Variants in QTRT2 observed in about 807,000 individuals in gnomAD.
QTRT2 encodes the protein queuine tRNA-ribosyltransferase accessory subunit 2.
In QTRT2, 32 loss-of-function variants were observed where a neutral mutation model predicts 44.8. The ratio of observed to expected loss-of-function variants is 0.71; its 90% confidence interval spans 0.54 to 0.96. QTRT2 has a LOEUF of 0.96. Among genes scored for constraint, QTRT2 ranks in the 40% least tolerant of loss-of-function variants. QTRT2 has a pLI of 0.00. For missense variants in QTRT2, 461 were observed against 503.1 expected, an observed-to-expected ratio of 0.92 and a Z score of 0.80; for synonymous variants, 182 against 187.4, an observed-to-expected ratio of 0.97 and a Z score of 0.24.
chr3:114,058,608 C>T (rs934897058), intron 2 of QTRT2, among the ~76,000 whole-genome samples: 3 of 152,184 alleles, frequency 2.0e-5, no homozygotes, highest in African/African-American at 7.2e-5. Flanking sequence ...TTTTGGCTCA[C>T]TGCAACCTCT....
intron 1 of QTRT2, 45 bp from the exon 2 acceptor site, chr3:114,056,954 A>G: frequency 6.7e-7 from 1 of 1,496,456 alleles, no homozygotes; most frequent in Non-Finnish European, 8.9e-7. Context: ...TGTTGCAGTA[A>G]CGGTGATTGT....
intron 2 of QTRT2, among the ~76,000 whole-genome samples, chr3:114,060,496 GTAGATAGATAGA>G (rs71146305): frequency 0.02 from 2,876 of 144,480 alleles, 53 homozygotes; most frequent in African/African-American, 0.039. Flanking sequence ...AGGTAGGTAG[GTAGATAGATAGA>G]TAGATAGATA....
intron 9 of QTRT2, 24 bp downstream of exon 9, chr3:114,082,818 A>G: frequency 9.0e-7 from 1 of 1,111,134 alleles, no homozygotes; most frequent in South Asian, 1.4e-5. Flanking sequence ...AAAAGTTTGG[A>G]TTTTGCTTTC....
chr3:114,066,346 T>TA (rs1365847234), intron 4 of QTRT2, 63 bp downstream of exon 4: 1 of 933,484 alleles, frequency 1.1e-6, no homozygotes, highest in African/African-American at 1.6e-5. Context: ...GAGGTGCTGT[T>TA]ACCTCTTTGA....
intron 8 of QTRT2, among the ~76,000 whole-genome samples, chr3:114,081,721 A>T (rs2077167858): frequency 6.6e-6 from 1 of 152,282 alleles, no homozygotes; most frequent in African/African-American, 2.4e-5. Flanking sequence ...TACAGGCATG[A>T]GCCACTGCGG....
chr3:114,078,341 T>C (rs1417966156), intron 7 of QTRT2: 1 of 152,210 alleles, frequency 6.6e-6, no homozygotes, highest in Non-Finnish European at 1.5e-5. Flanking sequence ...CCAGCTTCAG[T>C]TGGATAGGAG....
At chr3:114,077,075 T>G in intron 7 of QTRT2, 133 bp downstream of exon 7, 1 of 770,198 alleles carries the variant, frequency 1.3e-6, no homozygotes. Context: ...GGGCTGAGTC[T>G]GCTGAGGTGC....
Position 114,085,935 on chromosome 3 carries a change from A to G in QTRT2, c.*31A>G. The stretch of plus-strand genomic sequence containing the variant: ...TGCAAATACAAGTCTCACTCTTCAC[A>G]CTGAGCCTGTACCACTGTTGTAACA... On this transcript the variant is annotated 3_prime_UTR_variant, in exon 10 of 10. Transcript: ENST00000281273. 6.7e-7 allele frequency: 1 copy of G among 1,490,082 alleles called. No individual in the cohort carries two copies. The highest frequency in any genetic ancestry group is 9.4e-7 in the Non-Finnish European group (1 of 1,067,554). 92.3% of individuals were successfully genotyped at this position (1,490,082 alleles called of 1,614,324 possible).
chr3:114,084,530 T>C (rs558228550), intron 9 of QTRT2, among the ~76,000 whole-genome samples: 26 of 152,188 alleles, frequency 1.7e-4, no homozygotes, highest in African/African-American at 6.0e-4. Flanking sequence ...TGCAGTGTGC[T>C]ATGATTGTGC....
At chr3:114,065,743 A>G (rs1335969000) in intron 3 of QTRT2, among the ~76,000 whole-genome samples, 1 of 152,168 alleles carries the variant, frequency 6.6e-6, no homozygotes, top group East Asian at 1.9e-4. Context: ...GTTCTGTGAG[A>G]GCTGCATTTG....
chr3:114,085,201 T>C (rs2077219057), intron 9 of QTRT2, among the ~76,000 whole-genome samples: 1 of 152,124 alleles, frequency 6.6e-6, no homozygotes, highest in Non-Finnish European at 1.5e-5. Flanking sequence ...ATTGTGTTCT[T>C]TGTTAACTTT....
rs565548666 is a variant in QTRT2, at chr3:114,087,408, T to G, written c.*1504T>G. The G allele has an allele frequency of 3.3e-5, 5 of 152,382 alleles. No individual in the cohort carries two copies. In the East Asian group the frequency reaches 7.7e-4, roughly 24 times the overall value. The allele number at this position is 152,382 out of a possible 1,614,324, so 9.4% of individuals were successfully genotyped here. A position where few individuals can be genotyped will look rare whatever the true frequency, so the allele number is the denominator to read the frequency against. On this transcript the variant is annotated 3_prime_UTR_variant, in exon 10 of 10. Coordinates refer to ENST00000281273, the MANE Select transcript of QTRT2 (RefSeq NM_024638.4). ...TTGGGGTTTTTTTTGAGACGGAGCCTTGCTCTGTCGCCCAGGCTGGAGTGC... is the reference window on the plus strand; with the variant it reads ...TTGGGGTTTTTTTTGAGACGGAGCCGTGCTCTGTCGCCCAGGCTGGAGTGC...
intron 3 of QTRT2, 98 bp downstream of exon 3, chr3:114,065,555 A>G (rs1559950132): frequency 1.1e-6 from 1 of 888,732 alleles, no homozygotes. Context: ...TCATATATAT[A>G]AATTGTCGAT....
Position 114,070,624 on chromosome 3 carries a change from AG to A in QTRT2, c.334-1del. On this transcript the variant is annotated splice_acceptor_variant, in intron 5 of 9. Coordinates refer to ENST00000281273, the MANE Select transcript of QTRT2 (RefSeq NM_024638.4). LOFTEE classifies it high-confidence loss of function. ...ATTCCTCATCATTTTGCTCCATGGCAGTCTGTGTCTGTGTGGAGTGTTGCAG... is the reference window on the plus strand; with the variant it reads ...ATTCCTCATCATTTTGCTCCATGGCATCTGTGTCTGTGTGGAGTGTTGCAG... 1 of 1,613,578 alleles carries A rather than the reference AG, an allele frequency of 6.2e-7. No homozygotes were observed. Among genetic ancestry groups the A allele is most frequent in the South Asian group, 1.1e-5 (1 of 91,034 alleles).
At chr3:114,066,717 G>C (rs1295871493) in intron 4 of QTRT2, among the ~76,000 whole-genome samples, 1 of 152,182 alleles carries the variant, frequency 6.6e-6, no homozygotes, top group Non-Finnish European at 1.5e-5. Context: ...GGTCAAGGAA[G>C]AGTAAAAGTT....
chr3:114,067,323 A>G (rs2076966977), intron 4 of QTRT2, among the ~76,000 whole-genome samples: 1 of 152,218 alleles, frequency 6.6e-6, no homozygotes, highest in African/African-American at 2.4e-5. Flanking sequence ...CAGAGGTTTT[A>G]CACTTGCTTT....
At chr3:114,064,412 G>A (rs906667992) in intron 2 of QTRT2, among the ~76,000 whole-genome samples, 4 of 152,170 alleles carry the variant, frequency 2.6e-5, no homozygotes, top group Non-Finnish European at 4.4e-5. Flanking sequence ...TGCTTATCAA[G>A]TTCTGTAGTG....
intron 6 of QTRT2, among the ~76,000 whole-genome samples, chr3:114,071,912 G>C (rs1415029017): frequency 2.0e-5 from 3 of 152,130 alleles, no homozygotes; most frequent in Non-Finnish European, 4.4e-5. Context: ...ACATGGCATG[G>C]ACAGCCTGCT....
rs1213520553 is a variant in QTRT2, at chr3:114,087,278, T to C, written c.*1374T>C. The C allele has an allele frequency of 6.6e-6, 1 of 152,208 alleles. No individual in the cohort carries two copies. The allele number at this position is 152,208 out of a possible 1,614,324, so 9.4% of individuals were successfully genotyped here. Reference sequence around the variant, plus strand: ...TTACTTAACATTGTTTCTAATTATTTTGTGGCTGCTGTATGTTTTATGTGT... The same window carrying C: ...TTACTTAACATTGTTTCTAATTATTCTGTGGCTGCTGTATGTTTTATGTGT... On this transcript the variant is annotated 3_prime_UTR_variant, in exon 10 of 10. Transcript: ENST00000281273.
Sources: gnomAD v4.1 joint callset for allele counts (sites outside exome capture counted in the v4.1 genomes callset) on GRCh38, gnomAD v4.1.1 for gene constraint, MANE v1.5 for transcripts, NCBI Gene and HGNC (gene_info 2026-07-23, HGNC 2026-07-21) for gene names.